The following SOX5 variants were observed in gnomAD, a reference collection of about 807,000 sequenced individuals.
The protein encoded by SOX5 is transcription factor SOX-5.
In SOX5, 9 loss-of-function variants were observed where a neutral mutation model predicts 92.0. The ratio of observed to expected loss-of-function variants is 0.10; its 90% confidence interval spans 0.06 to 0.17. The LOEUF is 0.17. SOX5 is among the 10% of genes least tolerant of loss of function. The pLI is 1.00. For missense variants in SOX5, 642 were observed against 944.5 expected (o/e 0.68, Z 4.20); for synonymous variants, 344 against 336.3 (o/e 1.02, Z -0.25).
intron 3 of SOX5, among the ~76,000 whole-genome samples, chr12:23,777,456 G>T (rs1012025461): frequency 2.6e-5 from 4 of 152,076 alleles, no homozygotes; most frequent in African/African-American, 9.7e-5. Context: ...ACAATTCTGA[G>T]CTCACATTTT....
intron 6 of SOX5, among the ~76,000 whole-genome samples, chr12:23,711,965 G>T (rs79209431): frequency 0.063 from 9,647 of 152,162 alleles, 373 homozygotes; most frequent in East Asian, 0.13. Flanking sequence ...TAACAAACTT[G>T]AAACAAAGAT....
chr12:23,647,677 T>C (rs2081038507), intron 7 of SOX5, among the ~76,000 whole-genome samples: 2 of 152,328 alleles, frequency 1.3e-5, no homozygotes, highest in South Asian at 2.1e-4. Context: ...TCTTGCACTT[T>C]TATGTAGGTA....
rs750183821 is a variant in SOX5, at chr12:23,752,582, T to C, written c.568+3056A>G. ...CCTTCGGTGTAATGGAATTTCATGC[T>C]AGCTGAAATTGTGTGTGACTATTGG... is the stretch of plus-strand genomic sequence containing the variant. On this transcript the variant is annotated intron_variant, in intron 4 of 14. Coordinates refer to ENST00000451604, the MANE Select transcript of SOX5 (RefSeq NM_006940.6). Among the ~76,000 whole-genome samples, 46 of 151,832 alleles carry C rather than the reference T, an allele frequency of 3.0e-4. 1 individual carries two copies. The highest frequency in any genetic ancestry group is 1.2e-4 in the Non-Finnish European group (8 of 67,874).
intron 4 of SOX5, among the ~76,000 whole-genome samples, chr12:24,016,402 T>C (rs1953609344): frequency 6.6e-6 from 1 of 152,118 alleles, no homozygotes; most frequent in African/African-American, 2.4e-5. Context: ...TGCACATACT[T>C]GAGAACTAAT....
chr12:23,799,145 C>T (rs1292596856), intron 3 of SOX5, among the ~76,000 whole-genome samples: 1 of 151,808 alleles, frequency 6.6e-6, no homozygotes, highest in Non-Finnish European at 1.5e-5. Flanking sequence ...GTGATATCAG[C>T]CATTTTATAT....
chr12:24,383,836 T>C (rs186099590), intron 1 of SOX5, among the ~76,000 whole-genome samples: 74 of 152,274 alleles, frequency 4.9e-4, no homozygotes, highest in African/African-American at 1.6e-3. Context: ...TAGTTAGTGA[T>C]ACGGTTTGGC....
At chr12:23,695,940 C>CAAA (rs71059917) in intron 6 of SOX5, among the ~76,000 whole-genome samples, 121 of 11,904 alleles carry the variant, frequency 0.01, 24 homozygotes, top group East Asian at 0.02. Context: ...GACTCTGTCT[C>CAAA]AAAAAAAAAA....
chr12:23,934,231 A>G (rs1942038742), intron 1 of SOX5, among the ~76,000 whole-genome samples: 1 of 151,348 alleles, frequency 6.6e-6, no homozygotes, highest in South Asian at 2.1e-4. Flanking sequence ...GCTTCTTTCC[A>G]TTAGAAAATA....
intron 1 of SOX5, among the ~76,000 whole-genome samples, chr12:24,379,635 G>A (rs574914479): frequency 1.3e-5 from 2 of 152,046 alleles, no homozygotes; most frequent in Admixed American, 6.6e-5. Flanking sequence ...GAGTGAAGCC[G>A]ACATTCAAAG....
chr12:24,525,654 G>A (rs945169715), intron 1 of SOX5, among the ~76,000 whole-genome samples: 3 of 151,966 alleles, frequency 2.0e-5, no homozygotes, highest in Admixed American at 6.5e-5. Flanking sequence ...AATGGATCAC[G>A]AGGTCAGGAC....
chr12:24,120,247 G>T (rs907853935), intron 4 of SOX5, among the ~76,000 whole-genome samples: 3 of 152,096 alleles, frequency 2.0e-5, no homozygotes, highest in Non-Finnish European at 2.9e-5. Flanking sequence ...ACTGCTGAAC[G>T]GTTTCCTGAG....
chr12:24,331,903 A>G (rs893605518), intron 2 of SOX5, among the ~76,000 whole-genome samples: 5 of 151,236 alleles, frequency 3.3e-5, no homozygotes, highest in African/African-American at 1.2e-4. Context: ...ACAATCACTG[A>G]AAAAAGGTGA....
At chr12:24,178,247 T>C (rs1039135364) in intron 4 of SOX5, among the ~76,000 whole-genome samples, 1 of 31,792 alleles carries the variant, frequency 3.1e-5, no homozygotes, top group Non-Finnish European at 1.1e-4. Context: ...AGCTTGACTT[T>C]TTTTTTTTTT....
chr12:24,151,002 G>A (rs1951597675), intron 4 of SOX5, among the ~76,000 whole-genome samples: 1 of 152,116 alleles, frequency 6.6e-6, no homozygotes. Flanking sequence ...GTAAAGCAAT[G>A]TATGAGAGTG....
At chr12:24,114,828 C>A (rs561841107) in intron 4 of SOX5, among the ~76,000 whole-genome samples, 1 of 151,734 alleles carries the variant, frequency 6.6e-6, no homozygotes, top group East Asian at 1.9e-4. Context: ...CCTAGCTACT[C>A]GGGAGGCTGG....
intron 2 of SOX5, among the ~76,000 whole-genome samples, chr12:23,852,084 C>G (rs1287845632): frequency 6.6e-6 from 1 of 152,010 alleles, no homozygotes; most frequent in Non-Finnish European, 1.5e-5. Context: ...GATTGAAATT[C>G]TCTGAAAATT....
chr12:24,386,193 G>A (rs1001405883), intron 1 of SOX5, among the ~76,000 whole-genome samples: 1 of 152,070 alleles, frequency 6.6e-6, no homozygotes, highest in African/African-American at 2.4e-5. Context: ...CAGTTTTCAA[G>A]TCTATTGACA....
At chr12:24,499,047 G>T (rs1213882813) in intron 1 of SOX5, among the ~76,000 whole-genome samples, 1 of 152,170 alleles carries the variant, frequency 6.6e-6, no homozygotes, top group East Asian at 1.9e-4. Context: ...ATCTACATGG[G>T]CTCATGCTCT....
At chr12:24,256,700 C>T (rs2140210059) in intron 3 of SOX5, among the ~76,000 whole-genome samples, 1 of 152,184 alleles carries the variant, frequency 6.6e-6, no homozygotes, top group East Asian at 1.9e-4. Context: ...ATTAGAGTTG[C>T]AGAATTATAG....
Sources: allele counts gnomAD v4.1 joint callset (sites outside exome capture counted in the v4.1 genomes callset), GRCh38; gene constraint gnomAD v4.1.1; transcripts MANE v1.5; gene names NCBI Gene and HGNC (gene_info 2026-07-23, HGNC 2026-07-21).